The following RNF19A variants were observed in gnomAD, a reference collection of about 807,000 sequenced individuals.
RNF19A encodes the protein E3 ubiquitin-protein ligase RNF19A.
In RNF19A, 32 loss-of-function variants were observed where a neutral mutation model predicts 75.7. The ratio of observed to expected loss-of-function variants is 0.42; its 90% CI spans 0.32 to 0.57. RNF19A has a LOEUF of 0.57. Ranked by LOEUF, RNF19A falls within the 20% of genes least tolerant of loss-of-function variation. The pLI is 0.10. For synonymous variants in RNF19A, 335 were observed against 345.2 expected, an observed-to-expected ratio of 0.97 and a Z score of 0.33; for missense variants, 782 against 1,036.3, an observed-to-expected ratio of 0.75 and a Z score of 3.37.
chr8:100,308,347 T>C (rs941309075), intron 1 of RNF19A, among the ~76,000 whole-genome samples: 13 of 152,284 alleles, frequency 8.5e-5, no homozygotes, highest in South Asian at 4.1e-4. Flanking sequence ...TTAGCATAAT[T>C]TGGTTTATTA....
intron 1 of RNF19A, among the ~76,000 whole-genome samples, chr8:100,318,192 C>T (rs1661624757): frequency 2.0e-5 from 3 of 152,086 alleles, no homozygotes; most frequent in African/African-American, 7.2e-5. Context: ...GTTGTGTTTC[C>T]CTTGTTTATT....
intron 1 of RNF19A, among the ~76,000 whole-genome samples, chr8:100,290,203 C>T (rs1185184930): frequency 6.6e-6 from 1 of 152,162 alleles, no homozygotes; most frequent in African/African-American, 2.4e-5. Flanking sequence ...CAGCCTCCAT[C>T]TTTTGGGTTC....
In RNF19A at chr8:100,324,820, C is replaced by T. The variant is rs907184782; in HGVS notation, c.-243+11288G>A. Among the ~76,000 whole-genome samples, 6 of 151,762 alleles carry T rather than the reference C, an allele frequency of 4.0e-5. No individual in the cohort carries two copies. The highest frequency in any genetic ancestry group is 1.5e-4 in the African/African-American group (6 of 41,328). On this transcript the variant is annotated intron_variant, in intron 1 of 3. Transcript: ENST00000519527. The surrounding 1 kb of genome is among the most constrained non-coding windows in gnomAD (Gnocchi z 4.2). ...TCTTTCTCTTTCTTCTTCCTTCCTT[C>T]CTTCCTTCCTCCTTCTTCCTCCCTC... is the stretch of plus-strand genomic sequence containing the variant.
chr8:100,314,071 G>A (rs192871058), upstream of RNF19A, among the ~76,000 whole-genome samples: 2 of 151,702 alleles, frequency 1.3e-5, no homozygotes, highest in Admixed American at 1.3e-4. This position sits in a 1 kb window ranked among gnomAD's most constrained non-coding sequence, Gnocchi z 4.1. Context: ...TTGTAGAGAC[G>A]AGGTTTTGCC....
At chr8:100,267,520 C>T (rs1014506050) in intron 5 of RNF19A, among the ~76,000 whole-genome samples, 1 of 152,078 alleles carries the variant, frequency 6.6e-6, no homozygotes, top group East Asian at 1.9e-4. Flanking sequence ...CAGGTGCATA[C>T]TACCATACCC....
chr8:100,290,738 A>G (rs1376149432), intron 1 of RNF19A, among the ~76,000 whole-genome samples: 4 of 152,230 alleles, frequency 2.6e-5, no homozygotes, highest in Admixed American at 2.0e-4. Flanking sequence ...GTGATCACAG[A>G]GCACACTTAC....
intron 1 of RNF19A, among the ~76,000 whole-genome samples, chr8:100,292,475 T>A (rs1821353742): frequency 6.6e-6 from 1 of 151,758 alleles, no homozygotes; most frequent in African/African-American, 2.4e-5. Flanking sequence ...TGTGTACGTA[T>A]AAATTGTATT....
chr8:100,295,609 T>A (rs1821519276), intron 1 of RNF19A, among the ~76,000 whole-genome samples: 1 of 152,218 alleles, frequency 6.6e-6, no homozygotes, highest in South Asian at 2.1e-4. Context: ...TTACTATATG[T>A]AGTGTTGCAA....
chr8:100,259,809 T>C lies in RNF19A; in HGVS notation c.1826+45A>G. On this transcript the variant is annotated intron_variant, in intron 9 of 9. Transcript: ENST00000341084. The surrounding 1 kb of genome is among the most constrained non-coding windows in gnomAD (Gnocchi z 4.5). Reference sequence around the variant, plus strand: ...TTGTCTAATGATAGGAATTATTCCTTTAATTTAAAAAATACTTTCAATTTT... The same window carrying C: ...TTGTCTAATGATAGGAATTATTCCTCTAATTTAAAAAATACTTTCAATTTT... 1.3e-6 allele frequency: 2 copies of C among 1,532,112 alleles called. No homozygotes were observed. Among genetic ancestry groups the C allele is most frequent in the Non-Finnish European group, 1.8e-6 (2 of 1,119,134 alleles). The allele number at this position is 1,532,112 out of a possible 1,614,324, so 94.9% of individuals were successfully genotyped here.
In RNF19A at chr8:100,297,585, A is replaced by G. The variant is rs540246998; in HGVS notation, c.-93-9318T>C. On this transcript the variant is annotated intron_variant, in intron 1 of 9. Transcript: ENST00000341084. ...GACCTCTAAATCATCCCTGAAAAAA[A>G]CCTTCAAGCTCTCTTTCTCTTCACA... Among the ~76,000 whole-genome samples the G allele has an allele frequency of 2.0e-5, 3 of 152,210 alleles. No homozygotes were observed. The South Asian group carries it at 6.2e-4, about 32-fold the overall frequency.
intron 1 of RNF19A, among the ~76,000 whole-genome samples, chr8:100,306,696 C>T (rs893257819): frequency 2.6e-5 from 4 of 152,198 alleles, no homozygotes; most frequent in Non-Finnish European, 5.9e-5. Context: ...TTGAAGCCTA[C>T]CACCATCTGA....
rs958431364 is a variant in RNF19A, at chr8:100,260,670, T to C, written c.1683-673A>G. On this transcript the variant is annotated intron_variant, in intron 8 of 9. Transcript: ENST00000341084. This position sits in a 1 kb window ranked among gnomAD's most constrained non-coding sequence, Gnocchi z 4.1. The stretch of plus-strand genomic sequence containing the variant: ...AAAAATAAGATGTCTAATTTATCTT[T>C]TAATTCATGTATTCTCCCCTACACT... Among the ~76,000 whole-genome samples, 3 of 152,196 alleles carry C rather than the reference T, an allele frequency of 2.0e-5. No individual in the cohort carries two copies. The highest frequency in any genetic ancestry group is 7.2e-5 in the African/African-American group (3 of 41,438).
At position 100,261,825 on chromosome 8, in the gene RNF19A, T is replaced by G; in HGVS notation, c.1469-70A>C. On this transcript the variant is annotated intron_variant, in intron 7 of 9. Transcript: ENST00000341084. The surrounding 1 kb of genome is among the most constrained non-coding windows in gnomAD (Gnocchi z 4.4). ...ATTTTCTCCTTCTTAAATTCCTCCA[T>G]GATTTCAGAGAGGACATTATATAAG... 6.8e-7 allele frequency: 1 copy of G among 1,470,498 alleles called. No homozygotes were observed. Among genetic ancestry groups the G allele is most frequent in the South Asian group, 1.1e-5 (1 of 87,770 alleles). The allele number at this position is 1,470,498 out of a possible 1,614,324, so 91.1% of individuals were successfully genotyped here. A position where few individuals can be genotyped will look rare whatever the true frequency, so the allele number is the denominator to read the frequency against.
At position 100,268,698 on chromosome 8, in the gene RNF19A, A is replaced by C. The variant is rs868689898; in HGVS notation, c.1191+87T>G. On this transcript the variant is annotated intron_variant, in intron 5 of 9. Transcript: ENST00000341084. ...ACCCTTTGTCTAAAAAAAAAAAAAA[A>C]AAAAAACCCAAAAATCATCAATACT... 7.6e-4 allele frequency: 632 copies of C among 831,458 alleles called. 5 individuals are homozygous for C. Among genetic ancestry groups the C allele is most frequent in the Middle Eastern group, 2.9e-3 (11 of 3,748 alleles). 51.5% of individuals were successfully genotyped at this position (831,458 alleles called of 1,614,324 possible). A position where few individuals can be genotyped will look rare whatever the true frequency, so the allele number is the denominator to read the frequency against.
At position 100,259,951 on chromosome 8, in the gene RNF19A, C is replaced by T; in HGVS notation, c.1729G>A (p.Gly577Arg). Residue 577 changes from glycine (G) to arginine (R), a missense_variant, in exon 9 of 10, where the codon GGA (glycine) becomes AGA (arginine). Around this residue, in one of 7 missense-constraint regions of RNF19A, gnomAD observed 442 missense variants for 541.6 expected, o/e 0.82. Coordinates refer to ENST00000341084, the MANE Select transcript of RNF19A (RefSeq NM_183419.4). The surrounding 1 kb of genome is among the most constrained non-coding windows in gnomAD (Gnocchi z 4.5). ...DVQKERYSLS[G>R]ESGTVSLGTV... ...CCCAAGCTGACTGTGCCAGATTCTC[C>T]ACTTAGACTGTACCGTTCTTTCTGT... 6.2e-7 allele frequency: 1 copy of T among 1,614,038 alleles called. No individual in the cohort carries two copies. Among genetic ancestry groups the T allele is most frequent in the Non-Finnish European group, 8.5e-7 (1 of 1,179,944 alleles).
intron 1 of RNF19A, among the ~76,000 whole-genome samples, chr8:100,294,731 G>A (rs767493497): frequency 1.3e-5 from 2 of 152,040 alleles, no homozygotes; most frequent in Non-Finnish European, 2.9e-5. Flanking sequence ...TCTTCATCTA[G>A]GCTTTGAGAT....
In RNF19A at chr8:100,329,124, C is replaced by CT. The variant is rs1822577888; in HGVS notation, c.-243+6983dup. ...TAGGAGAGGGAGAGGGGTGGTGTAGCTTACAGACACCAAAGTGTTCGTTCA... is the reference window on the plus strand; with the variant it reads ...TAGGAGAGGGAGAGGGGTGGTGTAGCTTTACAGACACCAAAGTGTTCGTTCA... On this transcript the variant is annotated intron_variant, in intron 1 of 3. Transcript: ENST00000519527. The surrounding 1 kb of genome is among the most constrained non-coding windows in gnomAD (Gnocchi z 4.3). 6.6e-6 allele frequency among the ~76,000 whole-genome samples: 1 copy of CT among 152,114 alleles called. No homozygotes were observed. The highest frequency in any genetic ancestry group is 2.1e-4 in the South Asian group (1 of 4,826).
At chr8:100,279,615 C>T (rs1421024643) in intron 2 of RNF19A, among the ~76,000 whole-genome samples, 6 of 152,262 alleles carry the variant, frequency 3.9e-5, no homozygotes, top group African/African-American at 1.2e-4. Context: ...TGCAGTGGCA[C>T]AATCTTGGCT....
In RNF19A at chr8:100,329,324, G is replaced by T. The variant is rs1178872125; in HGVS notation, c.-243+6784C>A. On this transcript the variant is annotated intron_variant, in intron 1 of 3. Coordinates refer to the RNF19A transcript ENST00000519527. The surrounding 1 kb of genome is among the most constrained non-coding windows in gnomAD (Gnocchi z 4.3). ...TGGATCAAAAAATGCCACCTACATAGTTACAAAAGGCCTGACTTGGCAGCC... is the reference window on the plus strand; with the variant it reads ...TGGATCAAAAAATGCCACCTACATATTTACAAAAGGCCTGACTTGGCAGCC... Among the ~76,000 whole-genome samples the T allele has an allele frequency of 6.6e-6, 1 of 151,636 alleles. No individual in the cohort carries two copies. The highest frequency in any genetic ancestry group is 1.5e-5 in the Non-Finnish European group (1 of 67,956).
Sources: gnomAD v4.1 joint callset for allele counts (sites outside exome capture counted in the v4.1 genomes callset) on GRCh38, gnomAD v4.1.1 for gene constraint, gnomAD v4.1.1 regional missense constraint, Gnocchi (gnomAD v3.1) non-coding constraint, MANE v1.5 for transcripts, NCBI Gene and HGNC (gene_info 2026-07-23, HGNC 2026-07-21) for gene names.